Variants in RBPJ observed in about 807,000 individuals in gnomAD.
The protein encoded by RBPJ is recombining binding protein suppressor of hairless.
A neutral mutation model predicts 67.8 loss-of-function variants in RBPJ; 9 were observed. The observed-to-expected ratio is 0.13, with a 90% confidence interval of 0.08 to 0.23. The LOEUF is 0.23. RBPJ is among the 10% of genes least tolerant of loss of function. The probability of loss-of-function intolerance (pLI) is 1.00; values close to 1 mark genes in which losing one functional copy is unlikely to be tolerated. For missense variants in RBPJ, 305 were observed against 595.6 expected (o/e 0.51, Z 5.08); for synonymous variants, 198 against 203.3 (o/e 0.97, Z 0.22).
At chr4:26,132,605 CA>C in the RBPJ span, among the ~76,000 whole-genome samples, 9 of 152,304 alleles carry the variant, frequency 5.9e-5, no homozygotes, top group South Asian at 1.7e-3. Context: ...CTCTCTGCCC[CA>C]GGACTCATAT....
chr4:26,239,294 G>A, intron 1 of RBPJ, among the ~76,000 whole-genome samples: 1 of 152,210 alleles, frequency 6.6e-6, no homozygotes, highest in East Asian at 1.9e-4. Context: ...GCTGCCTGGA[G>A]CAGGTTTAAG....
At chr4:26,132,995 T>G in the RBPJ span, among the ~76,000 whole-genome samples, 1 of 152,180 alleles carries the variant, frequency 6.6e-6, no homozygotes, top group African/African-American at 2.4e-5. Flanking sequence ...CCCTTTGGGT[T>G]CCATGAGCCT....
chr4:26,212,587 G>A (rs924610285), intron 1 of RBPJ, among the ~76,000 whole-genome samples: 3 of 151,654 alleles, frequency 2.0e-5, no homozygotes, highest in Non-Finnish European at 4.4e-5. Flanking sequence ...CCCAAGGCAG[G>A]ACTTTAATCT....
intron 1 of RBPJ, among the ~76,000 whole-genome samples, chr4:26,180,868 A>G (rs1716959355): frequency 6.6e-6 from 1 of 152,244 alleles, no homozygotes; most frequent in Non-Finnish European, 1.5e-5. Context: ...ATGCAGGGCA[A>G]TGTAGACTAG....
At chr4:26,229,084 G>A (rs948352771) in intron 1 of RBPJ, among the ~76,000 whole-genome samples, 12 of 152,266 alleles carry the variant, frequency 7.9e-5, no homozygotes, top group Non-Finnish European at 1.5e-4. Context: ...ATATACCCAT[G>A]GCCTCCCTCA....
At chr4:26,175,926 C>T (rs1484877608) in intron 1 of RBPJ, among the ~76,000 whole-genome samples, 1 of 152,134 alleles carries the variant, frequency 6.6e-6, no homozygotes, top group Non-Finnish European at 1.5e-5. Flanking sequence ...TGTTACGCAC[C>T]TTCTGGGATC....
chr4:26,358,660 A>G (rs940085254), intron 1 of RBPJ, among the ~76,000 whole-genome samples: 14 of 150,582 alleles, frequency 9.3e-5, no homozygotes, highest in Admixed American at 2.7e-4. Flanking sequence ...GTGCATGCCT[A>G]TAGTTCCAGC....
At chr4:26,207,109 T>C (rs1037767223) in intron 1 of RBPJ, among the ~76,000 whole-genome samples, 1 of 152,154 alleles carries the variant, frequency 6.6e-6, no homozygotes, top group East Asian at 1.9e-4. Context: ...ACTAAGCCCC[T>C]GGAGTAAGGC....
At chr4:26,366,622 G>A (rs1014862282) in intron 1 of RBPJ, among the ~76,000 whole-genome samples, 34 of 151,934 alleles carry the variant, frequency 2.2e-4, no homozygotes, top group Admixed American at 9.8e-4. Context: ...GGGTTTCACC[G>A]TGTTAGCCAG....
At chr4:26,411,445 C>T (rs540767268) in intron 3 of RBPJ, among the ~76,000 whole-genome samples, 12 of 151,108 alleles carry the variant, frequency 7.9e-5, no homozygotes, top group East Asian at 1.9e-4. Flanking sequence ...ATTTGTTTGC[C>T]GTATTTTAGG....
intron 1 of RBPJ, among the ~76,000 whole-genome samples, chr4:26,336,789 A>G (rs1165509602): frequency 6.6e-6 from 1 of 152,204 alleles, no homozygotes; most frequent in Non-Finnish European, 1.5e-5. Context: ...CAAAAATAAC[A>G]AAATATAAAA....
intron 2 of RBPJ, among the ~76,000 whole-genome samples, chr4:26,388,155 A>G (rs964423644): frequency 1.3e-5 from 2 of 152,076 alleles, no homozygotes; most frequent in African/African-American, 2.4e-5. Context: ...ACATTAAAAC[A>G]GTAAATTTTT....
At chr4:26,113,464 G>A in the RBPJ span, 6 of 550,680 alleles carry the variant, frequency 1.1e-5, no homozygotes, top group Non-Finnish European at 2.1e-5. Context: ...CCAACCATCA[G>A]CAAACACACA....
chr4:26,165,088 G>A (rs1284077329), intron 1 of RBPJ, among the ~76,000 whole-genome samples: 1 of 151,910 alleles, frequency 6.6e-6, no homozygotes, highest in Non-Finnish European at 1.5e-5. Context: ...GTTTGTCTAT[G>A]GAATGAAAAG....
At chr4:26,287,608 G>A (rs1577391264) in intron 1 of RBPJ, among the ~76,000 whole-genome samples, 1 of 31,158 alleles carries the variant, frequency 3.2e-5, no homozygotes, top group African/African-American at 1.6e-4. Flanking sequence ...GGGGAGGGGA[G>A]GGGAGGGGAG....
chr4:26,187,632 G>A (rs540447221), intron 1 of RBPJ, among the ~76,000 whole-genome samples: 6 of 152,176 alleles, frequency 3.9e-5, no homozygotes, highest in Non-Finnish European at 7.3e-5. Flanking sequence ...ATGAATAACT[G>A]TTACACACTA....
intron 1 of RBPJ, among the ~76,000 whole-genome samples, chr4:26,283,597 G>A (rs1721355549): frequency 6.6e-6 from 1 of 151,514 alleles, no homozygotes; most frequent in Non-Finnish European, 1.5e-5. Flanking sequence ...AAGCAAAAGG[G>A]GCCTGAGGCT....
chr4:26,216,190 C>T (rs1215850697), intron 1 of RBPJ, among the ~76,000 whole-genome samples: 6 of 152,138 alleles, frequency 3.9e-5, no homozygotes. Flanking sequence ...TTTTAAGGCT[C>T]ACCTGGATAA....
At chr4:26,295,288 G>A (rs2109293286) in intron 1 of RBPJ, among the ~76,000 whole-genome samples, 1 of 151,968 alleles carries the variant, frequency 6.6e-6, no homozygotes. Flanking sequence ...GTGTGTGCAT[G>A]GGTGTGTGTG....
Sources: gnomAD v4.1 joint callset for allele counts (sites outside exome capture counted in the v4.1 genomes callset) on GRCh38, gnomAD v4.1.1 for gene constraint, MANE v1.5 for transcripts, NCBI Gene and HGNC (gene_info 2026-07-23, HGNC 2026-07-21) for gene names.